MYO5C: variants seen among roughly 807,000 people sequenced by gnomAD.
The protein encoded by MYO5C is myosin VC.
Under a neutral mutation model 235.7 loss-of-function variants are expected in MYO5C, and 194 were observed. The ratio of observed to expected loss-of-function variants is 0.82; its 90% CI spans 0.73 to 0.93. The LOEUF (loss-of-function observed/expected upper bound fraction) is 0.93. MYO5C is among the 40% of genes least tolerant of loss of function. The probability of loss-of-function intolerance (pLI) is 0.00; values close to 1 mark genes in which losing one functional copy is unlikely to be tolerated. For synonymous variants in MYO5C, 707 were observed against 754.8 expected (o/e 0.94, Z 1.04); for missense variants, 2,038 against 2,127.2 (o/e 0.96, Z 0.82).
At chr15:52,215,841 T>A (rs1430265433) in intron 32 of MYO5C, among the ~76,000 whole-genome samples, 2 of 152,234 alleles carry the variant, frequency 1.3e-5, no homozygotes, top group African/African-American at 4.8e-5. Flanking sequence ...TCCCATGTCA[T>A]TGATAATATA....
chr15:52,261,998 C>A (rs1233717172), intron 9 of MYO5C, among the ~76,000 whole-genome samples: 1 of 152,186 alleles, frequency 6.6e-6, no homozygotes, highest in Non-Finnish European at 1.5e-5. Flanking sequence ...CCCCTGCTGA[C>A]CAATATCACA....
intron 18 of MYO5C, 30 bp downstream of exon 18, chr15:52,245,324 A>C: frequency 7.1e-7 from 1 of 1,399,918 alleles, no homozygotes; most frequent in Non-Finnish European, 1.0e-6. Flanking sequence ...CAGGAAGGAG[A>C]CCATGATCCC....
chr15:52,233,931 C>T (rs1470696547), intron 23 of MYO5C, among the ~76,000 whole-genome samples: 1 of 152,000 alleles, frequency 6.6e-6, no homozygotes, highest in East Asian at 1.9e-4. Flanking sequence ...TTTTTTTTAG[C>T]CAACAGTTTA....
chr15:52,278,207 A>G (rs2037091980), intron 4 of MYO5C, among the ~76,000 whole-genome samples: 1 of 152,362 alleles, frequency 6.6e-6, no homozygotes, highest in East Asian at 1.9e-4. Context: ...TAGTTATGGG[A>G]AAAATAAACT....
intron 10 of MYO5C, 111 bp downstream of exon 10, chr15:52,260,751 T>G (rs1416017234): frequency 8.0e-7 from 1 of 1,246,928 alleles, no homozygotes; most frequent in Non-Finnish European, 1.1e-6. Flanking sequence ...GCAGAGAATG[T>G]TATCTTTCTA....
rs768692883 is a variant in MYO5C at position 52,251,359 on chromosome 15, T to C, written c.1662+31A>G. 4 of 1,565,816 alleles carry C rather than the reference T, an allele frequency of 2.6e-6. No homozygotes were observed. In the East Asian group the frequency reaches 9.3e-5, roughly 37 times the overall value. On this transcript the variant is annotated intron_variant, in intron 13 of 40. Coordinates refer to ENST00000261839, the MANE Select transcript of MYO5C (RefSeq NM_018728.4). ...TCTGGAGGCTGTACAGGTTCCGGGG[T>C]TGACAGCATTGATGGAGACCTTCAC...
intron 36 of MYO5C, among the ~76,000 whole-genome samples, chr15:52,206,308 A>C (rs1189399320): frequency 6.6e-6 from 1 of 152,036 alleles, no homozygotes; most frequent in Non-Finnish European, 1.5e-5. Flanking sequence ...ATGAAGAGGT[A>C]AGTGGATACA....
At chr15:52,195,954 A>C in intron 39 of MYO5C, among the ~76,000 whole-genome samples, 2 of 120,578 alleles carry the variant, frequency 1.7e-5, no homozygotes, top group Admixed American at 9.9e-5. Flanking sequence ...GTGTGCCATC[A>C]CACCCAGCTT....
intron 14 of MYO5C, among the ~76,000 whole-genome samples, chr15:52,248,448 A>T (rs1259393883): frequency 3.9e-5 from 6 of 152,122 alleles, no homozygotes; most frequent in Non-Finnish European, 5.9e-5. Flanking sequence ...GTCTGGCTGG[A>T]ATTGTGATTC....
chr15:52,195,000 C>T (rs922879709), intron 40 of MYO5C, among the ~76,000 whole-genome samples: 8 of 151,998 alleles, frequency 5.3e-5, no homozygotes, highest in African/African-American at 1.9e-4. Context: ...CCCTAGAGTT[C>T]CTTAGGGGAC....
intron 25 of MYO5C, among the ~76,000 whole-genome samples, chr15:52,227,589 G>T (rs910298483): frequency 6.6e-6 from 1 of 152,068 alleles, no homozygotes; most frequent in African/African-American, 2.4e-5. Flanking sequence ...CTCTGCAAGC[G>T]CAGTCTCACA....
rs368312185 is a variant in MYO5C at position 52,239,848 on chromosome 15, T to C, written c.2588A>G (p.Gln863Arg). The change falls in exon 21 of 41, where the codon CAG (glutamine) becomes CGG (arginine). Residue 863 changes from glutamine to arginine, a missense_variant. By Grantham distance (43) the Gln-to-Arg change is conservative. Transcript: ENST00000261839. ...MLEEHKAVIL[Q>R]KYARAWLARR... ...GGCCAGCCACGCCCGTGCGTATTTC[T>C]GTAGGATCACAGCCTTATGTTCCTC... is the stretch of plus-strand genomic sequence containing the variant. 15 of 1,613,716 alleles carry C rather than the reference T, an allele frequency of 9.3e-6. No homozygotes were observed. Among genetic ancestry groups the C allele is most frequent in the Non-Finnish European group, 1.3e-5 (15 of 1,179,762 alleles).
At chr15:52,288,849 G>A (rs139543433) in intron 1 of MYO5C, among the ~76,000 whole-genome samples, 258 of 152,272 alleles carry the variant, frequency 1.7e-3, no homozygotes, top group African/African-American at 6.0e-3. Flanking sequence ...ATGCCAAGGC[G>A]CCAAGCTGAG....
intron 1 of MYO5C, among the ~76,000 whole-genome samples, chr15:52,291,701 T>C (rs2140875781): frequency 6.6e-6 from 1 of 151,374 alleles, no homozygotes; most frequent in Admixed American, 6.6e-5. Context: ...GTGATATGTG[T>C]GGTCTTTTTT....
intron 20 of MYO5C, among the ~76,000 whole-genome samples, chr15:52,240,541 A>C (rs2036190956): frequency 3.4e-5 from 1 of 29,070 alleles, no homozygotes; most frequent in African/African-American, 5.1e-5. Flanking sequence ...CATTCTCTAC[A>C]AAAAAAGAAA....
At position 52,194,063 on chromosome 15, in the gene MYO5C, A is replaced by C. The variant is rs1164731012; in HGVS notation, c.5077-9T>G. ...CGGCTATTTAGGAGAGCCTGAAATT[A>C]GAATCAGAGGAAAAATGAGTAAGGA... On this transcript the variant is annotated splice_polypyrimidine_tract_variant and intron_variant, in intron 40 of 40. Transcript: ENST00000261839. The C allele has an allele frequency of 1.2e-6, 2 of 1,606,066 alleles. No individual in the cohort carries two copies. Among genetic ancestry groups the C allele is most frequent in the Non-Finnish European group, 1.7e-6 (2 of 1,177,842 alleles).
At chr15:52,273,880 T>A (rs1313952700) in intron 5 of MYO5C, among the ~76,000 whole-genome samples, 1 of 152,188 alleles carries the variant, frequency 6.6e-6, no homozygotes, top group Non-Finnish European at 1.5e-5. Context: ...ATACCTATGA[T>A]GCTCAACTAG....
chr15:52,274,040 C>A (rs1169134070), intron 5 of MYO5C, among the ~76,000 whole-genome samples: 1 of 152,126 alleles, frequency 6.6e-6, no homozygotes, highest in African/African-American at 2.4e-5. Context: ...TCTTCAATTT[C>A]ATCTCTCCTC....
chr15:52,239,723 G>GTAAATGTAAA lies in MYO5C; in HGVS notation c.2703+9_2703+10insTTTACATTTA. 6.3e-7 allele frequency: 1 copy of GTAAATGTAAA among 1,586,516 alleles called. No homozygotes were observed. Among genetic ancestry groups the GTAAATGTAAA allele is most frequent in the African/African-American group, 1.4e-5 (1 of 74,008 alleles). On this transcript the variant is annotated intron_variant, in intron 21 of 40. Transcript: ENST00000261839. ...AAAGTAAATGTAAAAGATGCACTATGAGCACCTACCTGATCTTCCAACTTT... is the reference window on the plus strand; with the variant it reads ...AAAGTAAATGTAAAAGATGCACTATGTAAATGTAAAAGCACCTACCTGATCTTCCAACTTT...
Sources: allele counts gnomAD v4.1 joint callset (sites outside exome capture counted in the v4.1 genomes callset), GRCh38; gene constraint gnomAD v4.1.1; transcripts MANE v1.5; gene names NCBI Gene and HGNC (gene_info 2026-07-23, HGNC 2026-07-21).